The following TBC1D5 variants were observed in gnomAD, a reference collection of about 807,000 sequenced individuals.
The protein encoded by TBC1D5 is TBC1 domain family, member 5.
TBC1D5 carries 75 observed loss-of-function variants against 100.3 expected under a neutral mutation model. That is an observed-to-expected ratio of 0.75 (90% CI 0.62 to 0.91). TBC1D5 has a LOEUF of 0.91. Ranked by LOEUF, TBC1D5 falls within the 40% of genes least tolerant of loss-of-function variation. The pLI, the probability that TBC1D5 is intolerant of heterozygous loss-of-function variation, is 0.00. For synonymous variants in TBC1D5, 323 were observed against 325.6 expected (o/e 0.99, Z 0.09); for missense variants, 910 against 942.4 (o/e 0.97, Z 0.45).
chr3:17,294,760 G>A (rs2082085700), intron 14 of TBC1D5, among the ~76,000 whole-genome samples: 2 of 152,188 alleles, frequency 1.3e-5, no homozygotes, highest in Non-Finnish European at 2.9e-5. Context: ...ACTGCTTTCA[G>A]ATAATGGTAT....
At chr3:17,709,385 G>A (rs1052013737) in intron 1 of TBC1D5, among the ~76,000 whole-genome samples, 2 of 152,094 alleles carry the variant, frequency 1.3e-5, no homozygotes, top group Non-Finnish European at 2.9e-5. Context: ...CAAGATGATA[G>A]ACTAAACATA....
chr3:17,292,337 C>T (rs995661877), intron 14 of TBC1D5, among the ~76,000 whole-genome samples: 1 of 152,092 alleles, frequency 6.6e-6, no homozygotes, highest in Non-Finnish European at 1.5e-5. Context: ...TCCTGTTTTT[C>T]TACTTAGAAA....
intron 2 of TBC1D5, among the ~76,000 whole-genome samples, chr3:17,529,417 T>C (rs966378780): frequency 6.6e-6 from 1 of 152,024 alleles, no homozygotes; most frequent in African/African-American, 2.4e-5. Context: ...CACCACTAGA[T>C]TAGTTCTCTT....
At chr3:17,620,552 G>T (rs1277826858) in intron 2 of TBC1D5, among the ~76,000 whole-genome samples, 1 of 152,086 alleles carries the variant, frequency 6.6e-6, no homozygotes, top group Non-Finnish European at 1.5e-5. Context: ...AACTGCAAAA[G>T]AACATATATG....
chr3:17,484,774 A>G (rs1425353229), intron 3 of TBC1D5, among the ~76,000 whole-genome samples: 1 of 152,038 alleles, frequency 6.6e-6, no homozygotes, highest in Non-Finnish European at 1.5e-5. Flanking sequence ...ATGAGCCACT[A>G]GGCCCGACCT....
At chr3:17,286,857 T>C (rs1010389039) in intron 15 of TBC1D5, among the ~76,000 whole-genome samples, 1 of 152,212 alleles carries the variant, frequency 6.6e-6, no homozygotes, top group Non-Finnish European at 1.5e-5. Context: ...TGACCTTGAA[T>C]AAGTCTCTAA....
At chr3:17,685,052 A>G (rs1019280492) in intron 1 of TBC1D5, among the ~76,000 whole-genome samples, 6 of 152,072 alleles carry the variant, frequency 3.9e-5, no homozygotes, top group Non-Finnish European at 7.4e-5. Flanking sequence ...TACATGTTCA[A>G]TCACTGTTTA....
intron 1 of TBC1D5, among the ~76,000 whole-genome samples, chr3:17,692,024 AC>A (rs1176147018): frequency 6.6e-6 from 1 of 152,236 alleles, no homozygotes; most frequent in East Asian, 1.9e-4. Flanking sequence ...GAAAGAGCAT[AC>A]AGTAAGAATG....
chr3:17,711,622 T>C (rs568246724), intron 1 of TBC1D5, among the ~76,000 whole-genome samples: 26 of 152,346 alleles, frequency 1.7e-4, no homozygotes, highest in Middle Eastern at 6.8e-3. Flanking sequence ...TACGTATTTT[T>C]CAGTGAAGAA....
intron 2 of TBC1D5, among the ~76,000 whole-genome samples, chr3:17,541,894 T>C (rs2096361277): frequency 6.6e-6 from 1 of 152,234 alleles, no homozygotes; most frequent in Non-Finnish European, 1.5e-5. Context: ...AACCAAACCC[T>C]ACACACACTA....
intron 18 of TBC1D5, among the ~76,000 whole-genome samples, chr3:17,198,633 G>C (rs540856436): frequency 7.9e-5 from 12 of 152,208 alleles, no homozygotes; most frequent in African/African-American, 2.9e-4. Context: ...TCTCGATGTT[G>C]GTGAATGGAT....
chr3:17,711,612 T>A (rs1480988366), intron 1 of TBC1D5, among the ~76,000 whole-genome samples: 1 of 152,356 alleles, frequency 6.6e-6, no homozygotes, highest in Non-Finnish European at 1.5e-5. Flanking sequence ...AATAGTATCA[T>A]ACGTATTTTT....
At chr3:17,415,262 T>C (rs1290384138) in intron 4 of TBC1D5, among the ~76,000 whole-genome samples, 1 of 152,104 alleles carries the variant, frequency 6.6e-6, no homozygotes, top group African/African-American at 2.4e-5. Context: ...GTTCAAACCA[T>C]TCTCCTGCCT....
intron 15 of TBC1D5, among the ~76,000 whole-genome samples, chr3:17,266,804 C>A (rs2733492): frequency 0.5 from 75,658 of 151,800 alleles, 19,688 homozygotes; most frequent in African/African-American, 0.64. Flanking sequence ...GATGGGAAAA[C>A]ATATATTGTG....
At chr3:17,630,127 A>C (rs1443301304) in intron 1 of TBC1D5, among the ~76,000 whole-genome samples, 3 of 152,194 alleles carry the variant, frequency 2.0e-5, no homozygotes, top group African/African-American at 7.2e-5. Context: ...TTTTACCTTA[A>C]GAGGAGGAAG....
At chr3:17,524,747 C>G (rs2096109667) in intron 2 of TBC1D5, 1 of 152,060 alleles carries the variant, frequency 6.6e-6, no homozygotes. Flanking sequence ...GCCTGTAATC[C>G]CAGCTACTCA....
At chr3:17,460,008 A>G (rs530301656) in intron 3 of TBC1D5, among the ~76,000 whole-genome samples, 25 of 152,358 alleles carry the variant, frequency 1.6e-4, no homozygotes, top group African/African-American at 5.8e-4. Context: ...TCTAATATTT[A>G]TACCTCTAGC....
intron 15 of TBC1D5, among the ~76,000 whole-genome samples, chr3:17,290,049 A>C (rs2081565222): frequency 6.6e-6 from 1 of 152,202 alleles, no homozygotes; most frequent in African/African-American, 2.4e-5. Context: ...AACTTATTCT[A>C]CTGAGCCTTT....
chr3:17,340,518 C>T (rs1192714100), intron 13 of TBC1D5: 1 of 152,200 alleles, frequency 6.6e-6, no homozygotes, highest in Non-Finnish European at 1.5e-5. Context: ...TTTCACTGGC[C>T]TCTGTACTAT....
Sources: gnomAD v4.1 joint callset for allele counts (sites outside exome capture counted in the v4.1 genomes callset) on GRCh38, gnomAD v4.1.1 for gene constraint, MANE v1.5 for transcripts, NCBI Gene and HGNC (gene_info 2026-07-23, HGNC 2026-07-21) for gene names.